The following PPA1 variants were observed in gnomAD, a reference collection of about 807,000 sequenced individuals.
PPA1 encodes the protein inorganic pyrophosphatase 1, also known as inorganic pyrophosphatase.
A neutral mutation model predicts 41.8 loss-of-function variants in PPA1; 23 were observed. The observed-to-expected ratio is 0.55, with a 90% CI of 0.40 to 0.78. The LOEUF is 0.78. Among genes scored for constraint, PPA1 ranks in the 30% least tolerant of loss-of-function variants. The pLI is 0.00. For synonymous variants in PPA1, 101 were observed against 116.8 expected (o/e 0.86, Z 0.87); for missense variants, 320 against 361.6 (o/e 0.89, Z 0.93).
In PPA1 at chr10:70,233,246, C is replaced by T. The variant is rs1302382852; in HGVS notation, c.64+18G>A. On this transcript the variant is annotated intron_variant, in intron 1 of 10. Coordinates refer to ENST00000373232, the MANE Select transcript of PPA1 (RefSeq NM_021129.4). ...TGGGCGGACGGGCGCGGAGGGGCCA[C>T]GGGCCGCAGACACTCACTGAGGAAG... 9 of 1,531,410 alleles carry T rather than the reference C, an allele frequency of 5.9e-6. No individual in the cohort carries two copies. The highest frequency in any genetic ancestry group is 5.7e-5 in the African/African-American group (4 of 70,434). 94.9% of individuals were successfully genotyped at this position (1,531,410 alleles called of 1,614,324 possible). A position where few individuals can be genotyped will look rare whatever the true frequency, so the allele number is the denominator to read the frequency against.
At chr10:70,221,651 G>A (rs1487803604) in intron 2 of PPA1, among the ~76,000 whole-genome samples, 1 of 152,166 alleles carries the variant, frequency 6.6e-6, no homozygotes, top group Non-Finnish European at 1.5e-5. Context: ...CTGTAGGTCT[G>A]TGAAAAGAAC....
rs550043973 is a variant in PPA1 at position 70,209,748 on chromosome 10, T to A, written c.512-63A>T. ...ATTTTTTTAAAAAGAAAGAAGAGAA[T>A]AAGCAGATTTCAAGATGCACAAATA... On this transcript the variant is annotated intron_variant, in intron 6 of 10. Coordinates refer to ENST00000373232, the MANE Select transcript of PPA1 (RefSeq NM_021129.4). 3.3e-4 allele frequency: 487 copies of A among 1,493,710 alleles called. 1 individual carries two copies. The highest frequency in any genetic ancestry group is 4.3e-4 in the Non-Finnish European group (469 of 1,093,504). 92.5% of individuals were successfully genotyped at this position (1,493,710 alleles called of 1,614,324 possible). A position where few individuals can be genotyped will look rare whatever the true frequency, so the allele number is the denominator to read the frequency against.
At chr10:70,206,442 A>C in intron 8 of PPA1, 109 bp from the exon 9 acceptor site, 1 of 765,696 alleles carries the variant, frequency 1.3e-6, no homozygotes, top group Non-Finnish European at 2.2e-6. Context: ...AGTTTAGTTT[A>C]GTCGAAAGCT....
chr10:70,223,725 T>C (rs1391399267), intron 2 of PPA1, among the ~76,000 whole-genome samples: 1 of 152,228 alleles, frequency 6.6e-6, no homozygotes, highest in Non-Finnish European at 1.5e-5. Context: ...ACTGTTTTTA[T>C]GCATTCTAAT....
intron 6 of PPA1, 138 bp downstream of exon 6, chr10:70,213,325 A>C (rs1382162803): frequency 9.7e-7 from 1 of 1,033,036 alleles, no homozygotes; most frequent in Admixed American, 2.9e-5. Flanking sequence ...AGTCATAGAA[A>C]TAATGCTTGT....
rs770883535 is a variant in PPA1, at chr10:70,203,150, T to C, written c.*5A>G. The stretch of plus-strand genomic sequence containing the variant: ...AATATCAGCTTGTATTCCAGAGAAA[T>C]CTCATTAGTTTTTCTGGTGATGGAA... On this transcript the variant is annotated 3_prime_UTR_variant, in exon 11 of 11. Coordinates refer to ENST00000373232, the MANE Select transcript of PPA1 (RefSeq NM_021129.4). 1.9e-6 allele frequency: 3 copies of C among 1,606,550 alleles called. No individual in the cohort carries two copies. Among genetic ancestry groups the C allele is most frequent in the African/African-American group, 2.7e-5 (2 of 74,744 alleles).
chr10:70,225,026 C>T (rs1339964941), intron 2 of PPA1, among the ~76,000 whole-genome samples: 1 of 152,196 alleles, frequency 6.6e-6, no homozygotes, highest in African/African-American at 2.4e-5. Context: ...CCACCGCGCC[C>T]AGCATTGAGA....
intron 6 of PPA1, chr10:70,210,313 G>C (rs1437113554): frequency 1.6e-6 from 2 of 1,277,826 alleles, no homozygotes; most frequent in Non-Finnish European, 2.1e-6. Flanking sequence ...CTGGGCTCAA[G>C]CAATCCTCCT....
intron 6 of PPA1, 111 bp from the exon 7 acceptor site, chr10:70,209,796 C>G: frequency 7.9e-7 from 1 of 1,264,744 alleles, no homozygotes. Context: ...ACAAAAATTC[C>G]AAGTACTTAT....
At chr10:70,225,389 A>G (rs1354850380) in intron 2 of PPA1, among the ~76,000 whole-genome samples, 2 of 149,752 alleles carry the variant, frequency 1.3e-5, no homozygotes, top group Admixed American at 1.3e-4. Context: ...TTTTTTTTCT[A>G]TTTTTGGTAA....
intron 2 of PPA1, among the ~76,000 whole-genome samples, chr10:70,223,355 C>T (rs572215754): frequency 6.6e-6 from 1 of 152,248 alleles, no homozygotes; most frequent in African/African-American, 2.4e-5. Context: ...GCTGGGCCTA[C>T]AGGTGTGCAC....
intron 2 of PPA1, 122 bp from the exon 3 acceptor site, chr10:70,218,939 T>A: frequency 2.9e-6 from 2 of 680,646 alleles, no homozygotes; most frequent in Admixed American, 2.6e-5. Context: ...CAATTGGATT[T>A]TCAACAAAAT....
chr10:70,207,948 T>C (rs954623228), intron 8 of PPA1, among the ~76,000 whole-genome samples: 23 of 151,830 alleles, frequency 1.5e-4, no homozygotes, highest in African/African-American at 5.6e-4. Flanking sequence ...ATCCCACCAC[T>C]TTGGGAGGCC....
intron 2 of PPA1, among the ~76,000 whole-genome samples, chr10:70,228,841 G>C (rs982359871): frequency 6.6e-6 from 1 of 152,194 alleles, no homozygotes; most frequent in African/African-American, 2.4e-5. Flanking sequence ...GAAGTGCAAT[G>C]AATGTGTCTA....
At chr10:70,204,177 CGAGACCTGGTTT>C (rs1564579496) in intron 10 of PPA1, 1 of 151,838 alleles carries the variant, frequency 6.6e-6, no homozygotes, top group African/African-American at 2.4e-5. Context: ...CAGCCTGGTT[CGAGACCTGGTTT>C]GAGACCAGCT....
intron 8 of PPA1, among the ~76,000 whole-genome samples, chr10:70,208,984 G>A (rs1048935071): frequency 6.6e-6 from 1 of 152,026 alleles, no homozygotes; most frequent in African/African-American, 2.4e-5. Context: ...TGTAGAGACA[G>A]GGTTTTTCCA....
chr10:70,222,683 T>A (rs1376518212), intron 2 of PPA1, among the ~76,000 whole-genome samples: 3 of 152,144 alleles, frequency 2.0e-5, no homozygotes, highest in Non-Finnish European at 2.9e-5. Context: ...ACACTTTTTT[T>A]TTATTATTAT....
rs1239134690 is a variant in PPA1 at position 70,214,504 on chromosome 10, C to T, written c.380G>A (p.Ser127Asn). Residue 127 changes from serine (S) to asparagine (N), a missense_variant, in exon 5 of 11, where the codon AGC becomes AAC. Transcript: ENST00000373232. ...AAAAATGTCACATTTCATTACCTTG[C>T]TTCCAATTTCACACACATCAATTGG... ...NDPIDVCEIGSKVCARGEIIG... is the reference protein window; with the variant it reads ...NDPIDVCEIGNKVCARGEIIG... The T allele has an allele frequency of 1.9e-6, 3 of 1,611,242 alleles. No individual in the cohort carries two copies. Among genetic ancestry groups the T allele is most frequent in the Non-Finnish European group, 2.5e-6 (3 of 1,178,312 alleles).
chr10:70,229,346 G>A (rs772844170), intron 2 of PPA1, among the ~76,000 whole-genome samples: 1 of 152,156 alleles, frequency 6.6e-6, no homozygotes, highest in Non-Finnish European at 1.5e-5. Context: ...GCCCAGTCTG[G>A]TCTCAAACTC....
Sources: allele counts gnomAD v4.1 joint callset (sites outside exome capture counted in the v4.1 genomes callset), GRCh38; gene constraint gnomAD v4.1.1; transcripts MANE v1.5; gene names NCBI Gene and HGNC (gene_info 2026-07-23, HGNC 2026-07-21).